Variants in C9 observed in about 807,000 individuals in gnomAD.
C9 encodes the protein complement component C9.
A neutral mutation model predicts 65.4 loss-of-function variants in C9; 63 were observed. The observed-to-expected ratio is 0.96, with a 90% CI of 0.79 to 1.19. The LOEUF (loss-of-function observed/expected upper bound fraction) is 1.19, where lower values mean the gene tolerates loss of function less well. Ranked by LOEUF, C9 falls within the 50% of genes most tolerant of loss-of-function variation. The probability of loss-of-function intolerance (pLI) is 0.00; values close to 1 mark genes in which losing one functional copy is unlikely to be tolerated. For missense variants in C9, 744 were observed against 670.1 expected, an observed-to-expected ratio of 1.11 and a Z score of -1.22; for synonymous variants, 229 against 227.9, an observed-to-expected ratio of 1.00 and a Z score of -0.04.
At chr5:39,324,241 A>T (rs937835843) in intron 5 of C9, among the ~76,000 whole-genome samples, 3 of 152,214 alleles carry the variant, frequency 2.0e-5, no homozygotes, top group Admixed American at 6.5e-5. Flanking sequence ...AACACTGCCC[A>T]ATATGATCTG....
In C9 at chr5:39,284,466, T is replaced by C. The variant is rs992837541; in HGVS notation, c.*733A>G. On this transcript the variant is annotated 3_prime_UTR_variant, in exon 11 of 11. Transcript: ENST00000263408. Reference sequence around the variant, plus strand: ...TGATGTTTTTTCTTGTAAAATATGATCAAATAGAAGGAATTTCACATAATT... The same window carrying C: ...TGATGTTTTTTCTTGTAAAATATGACCAAATAGAAGGAATTTCACATAATT... 1 of 152,188 alleles carries C rather than the reference T, an allele frequency of 6.6e-6. No homozygotes were observed. Among genetic ancestry groups the C allele is most frequent in the African/African-American group, 2.4e-5 (1 of 41,442 alleles). The allele number at this position is 152,188 out of a possible 1,614,324, so 9.4% of individuals were successfully genotyped here. A position where few individuals can be genotyped will look rare whatever the true frequency, so the allele number is the denominator to read the frequency against.
chr5:39,295,479 G>A (rs1579840173), intron 9 of C9, among the ~76,000 whole-genome samples: 1 of 151,552 alleles, frequency 6.6e-6, no homozygotes, highest in South Asian at 2.1e-4. Flanking sequence ...AGAAGATACT[G>A]AGGAATAAAT....
At chr5:39,296,875 TA>T (rs1220050853) in intron 9 of C9, among the ~76,000 whole-genome samples, 42 of 143,940 alleles carry the variant, frequency 2.9e-4, no homozygotes, top group African/African-American at 6.1e-4. Context: ...ATGTGGAAGC[TA>T]AAAAAAAAAC....
chr5:39,289,284 T>C (rs1753047887), intron 9 of C9, among the ~76,000 whole-genome samples: 1 of 151,848 alleles, frequency 6.6e-6, no homozygotes, highest in Admixed American at 6.6e-5. Context: ...TCTGGCTTGA[T>C]AATTTATTGA....
chr5:39,364,367 G>A, intron 1 of C9, 21 bp downstream of exon 1: 1 of 1,433,068 alleles, frequency 7.0e-7, no homozygotes, highest in Non-Finnish European at 9.9e-7. Flanking sequence ...CCAGAGACAA[G>A]CAGAAAAGTA....
rs1198720907 is a variant in C9 at position 39,331,885 on chromosome 5, G to GA, written c.477-72dup. ...AATGCAAGGCAGCCCTCTGTAGCTG[G>GA]AAAAAGTGAGACAGCTTCAGTTCAT... On this transcript the variant is annotated intron_variant, in intron 4 of 10. Coordinates refer to ENST00000263408, the MANE Select transcript of C9 (RefSeq NM_001737.5). The GA allele has an allele frequency of 8.5e-5, 110 of 1,295,366 alleles. No homozygotes were observed. In the East Asian group the frequency reaches 2.4e-3, roughly 29 times the overall value. 80.2% of individuals were successfully genotyped at this position (1,295,366 alleles called of 1,614,324 possible).
At chr5:39,362,362 C>T (rs1460978488) in intron 1 of C9, among the ~76,000 whole-genome samples, 1 of 152,018 alleles carries the variant, frequency 6.6e-6, no homozygotes, top group Non-Finnish European at 1.5e-5. Context: ...TGAAGATGGC[C>T]ATGTGATGAT....
At position 39,341,155 on chromosome 5, in the gene C9, G is replaced by T. The variant is rs755516630; in HGVS notation, c.467C>A (p.Ala156Glu). Residue 156 changes from alanine to glutamate, a missense_variant, in exon 4 of 11, where the codon GCA becomes GAA. Physicochemically the swap from Ala to Glu is moderately radical, Grantham distance 107 (BLOSUM62 -1). Transcript: ENST00000263408. Reference sequence around the variant, plus strand: ...CAAGTAAAATACACACCCATAGCCTGCTGTTCGTGCCAGCTCAGACTCTTC... The same window carrying T: ...CAAGTAAAATACACACCCATAGCCTTCTGTTCGTGCCAGCTCAGACTCTTC... ...VVEESELART[A>E]GYGINILGMD... is the part of the protein sequence containing the mutation. The T allele has an allele frequency of 3.1e-6, 5 of 1,614,010 alleles. No individual in the cohort carries two copies. The Admixed American group carries it at 5.0e-5, about 16-fold the overall frequency.
Position 39,341,678 on chromosome 5 carries a change from A to C in C9, c.206T>G (p.Val69Gly). 1.2e-6 allele frequency: 2 copies of C among 1,614,066 alleles called. No homozygotes were observed. Among genetic ancestry groups the C allele is most frequent in the Non-Finnish European group, 1.7e-6 (2 of 1,179,958 alleles). ...TCTTTTCCCATTAAATTGTCCAAAG[A>C]CCTCAATGCTTCTTGAACGAAACTG... ...RQMFRSRSIEVFGQFNGKRCT... is the reference protein window; with the variant it reads ...RQMFRSRSIEGFGQFNGKRCT... Residue 69 changes from valine to glycine, a missense_variant, in exon 3 of 11, where the codon GTC becomes GGC. Transcript: ENST00000263408.
In C9 at chr5:39,341,634, C is replaced by T. The variant is rs371700256; in HGVS notation, c.250G>A (p.Asp84Asn). ...TCTGTGGGCACACACTGTCGTCTGT[C>T]TCCCACAGCGTCGGTGCATCTTTTC... ...NGKRCTDAVG[D>N]RRQCVPTEPC... The change falls in exon 3 of 11, where the codon GAC (aspartate) becomes AAC (asparagine). Residue 84 changes from aspartate to asparagine, a missense_variant. Coordinates refer to ENST00000263408, the MANE Select transcript of C9 (RefSeq NM_001737.5). 2 of 1,613,802 alleles carry T rather than the reference C, an allele frequency of 1.2e-6. No individual in the cohort carries two copies. The highest frequency in any genetic ancestry group is 2.2e-5 in the East Asian group (1 of 44,890).
intron 4 of C9, among the ~76,000 whole-genome samples, chr5:39,334,437 G>A (rs1318894803): frequency 6.6e-6 from 1 of 151,062 alleles, no homozygotes; most frequent in Non-Finnish European, 1.5e-5. Context: ...TCTGAGAAGT[G>A]AGGAGCCCCT....
intron 1 of C9, among the ~76,000 whole-genome samples, chr5:39,352,247 C>T (rs983690118): frequency 1.3e-5 from 2 of 152,168 alleles, no homozygotes; most frequent in Admixed American, 6.5e-5. Flanking sequence ...GCCTGTCCTT[C>T]AACACATGGG....
At chr5:39,308,176 C>T (rs1419778157) in intron 8 of C9, 54 bp downstream of exon 8, 2 of 1,514,636 alleles carry the variant, frequency 1.3e-6, no homozygotes, top group East Asian at 2.3e-5. Flanking sequence ...GGGCAGTGCT[C>T]ATTGACATCT....
chr5:39,310,258 G>A (rs1004337213), intron 7 of C9, among the ~76,000 whole-genome samples: 4 of 151,892 alleles, frequency 2.6e-5, no homozygotes, highest in African/African-American at 7.3e-5. Flanking sequence ...CACTGACCCC[G>A]TAAAAGCCAT....
At chr5:39,339,910 C>T (rs776328580) in intron 4 of C9, among the ~76,000 whole-genome samples, 19 of 151,982 alleles carry the variant, frequency 1.3e-4, no homozygotes, top group Middle Eastern at 3.2e-3. Context: ...CCGCCCGCCT[C>T]GGCCTCCCAA....
chr5:39,311,942 T>G (rs1753491781), intron 6 of C9, among the ~76,000 whole-genome samples: 1 of 152,152 alleles, frequency 6.6e-6, no homozygotes, highest in Non-Finnish European at 1.5e-5. Context: ...GAGGAGTATA[T>G]CCTATATAAT....
At chr5:39,294,633 C>T (rs1753151771) in intron 9 of C9, among the ~76,000 whole-genome samples, 1 of 151,730 alleles carries the variant, frequency 6.6e-6, no homozygotes. Context: ...TCTACCAAAT[C>T]TTTAAACAAG....
chr5:39,361,207 G>A (rs1193343326), intron 1 of C9, among the ~76,000 whole-genome samples: 1 of 152,082 alleles, frequency 6.6e-6, no homozygotes, highest in Non-Finnish European at 1.5e-5. Context: ...TTACGTATGA[G>A]TCTATGGTTT....
chr5:39,331,911 G>T, intron 4 of C9, 97 bp from the exon 5 acceptor site: 1 of 973,240 alleles, frequency 1.0e-6, no homozygotes, highest in Non-Finnish European at 1.7e-6. Flanking sequence ...TTCAGTTCAT[G>T]TCACCGTCAC....
Sources: gnomAD v4.1 joint callset for allele counts (sites outside exome capture counted in the v4.1 genomes callset) on GRCh38, gnomAD v4.1.1 for gene constraint, MANE v1.5 for transcripts, NCBI Gene and HGNC (gene_info 2026-07-23, HGNC 2026-07-21) for gene names.